STPG2: variants seen among roughly 807,000 people sequenced by gnomAD.
STPG2 encodes the protein sperm-tail PG-rich repeat-containing protein 2.
A neutral mutation model predicts 54.2 loss-of-function variants in STPG2; 56 were observed. The observed-to-expected ratio is 1.03, with a 90% CI of 0.83 to 1.29. The LOEUF (loss-of-function observed/expected upper bound fraction) is 1.29, where lower values mean the gene tolerates loss of function less well. STPG2 is among the 50% of genes most tolerant of loss of function. STPG2 has a pLI of 0.00. For synonymous variants in STPG2, 200 were observed against 181.8 expected (o/e 1.10, Z -0.81); for missense variants, 596 against 544.9 (o/e 1.09, Z -0.93).
intron 8 of STPG2, among the ~76,000 whole-genome samples, chr4:97,850,165 G>T (rs1435117598): frequency 6.9e-6 from 1 of 145,472 alleles, no homozygotes; most frequent in Non-Finnish European, 1.5e-5. Context: ...GTAAACTATC[G>T]CAAGAACAAA....
At chr4:97,899,615 A>G (rs1462224772) in intron 8 of STPG2, among the ~76,000 whole-genome samples, 2 of 152,142 alleles carry the variant, frequency 1.3e-5, no homozygotes, top group Non-Finnish European at 2.9e-5. Context: ...TAATAGTACA[A>G]AAACAGGCAC....
At chr4:97,563,450 CTGATT>C (rs1181990494) in intron 10 of STPG2, among the ~76,000 whole-genome samples, 1 of 152,108 alleles carries the variant, frequency 6.6e-6, no homozygotes, top group Admixed American at 6.5e-5. Context: ...CAGTTCTGCT[CTGATT>C]TTAGTTATTT....
intron 5 of STPG2, among the ~76,000 whole-genome samples, chr4:98,039,900 T>C (rs1442908794): frequency 6.6e-6 from 1 of 151,702 alleles, no homozygotes; most frequent in African/African-American, 2.4e-5. Context: ...AGATTCCATA[T>C]TATTTTCCAT....
At chr4:98,035,855 C>A (rs1359202216) in intron 5 of STPG2, among the ~76,000 whole-genome samples, 1 of 151,924 alleles carries the variant, frequency 6.6e-6, no homozygotes, top group Non-Finnish European at 1.5e-5. Flanking sequence ...AACAGAAAAT[C>A]AAACACTGCA....
At chr4:97,885,181 C>A (rs1578654811) in intron 8 of STPG2, among the ~76,000 whole-genome samples, 2 of 152,106 alleles carry the variant, frequency 1.3e-5, no homozygotes, top group Admixed American at 6.6e-5. Context: ...AGTCAGTGAA[C>A]TGGAGAAATA....
At chr4:97,583,459 G>C (rs1732914454) in intron 10 of STPG2, among the ~76,000 whole-genome samples, 1 of 151,896 alleles carries the variant, frequency 6.6e-6, no homozygotes, top group Non-Finnish European at 1.5e-5. Flanking sequence ...TACAAATTTG[G>C]AAAATATATT....
chr4:97,712,465 A>G (rs1724153784), intron 10 of STPG2, among the ~76,000 whole-genome samples: 2 of 152,276 alleles, frequency 1.3e-5, no homozygotes, highest in African/African-American at 4.8e-5. Context: ...TATATATATG[A>G]ATACTGCAAA....
chr4:98,033,102 G>A (rs1415792328), intron 5 of STPG2, among the ~76,000 whole-genome samples: 2 of 141,720 alleles, frequency 1.4e-5, no homozygotes, highest in African/African-American at 5.4e-5. Flanking sequence ...GAGCAGAACT[G>A]AAGAAGATAG....
intron 9 of STPG2, among the ~76,000 whole-genome samples, chr4:97,718,682 C>A (rs564801592): frequency 2.0e-5 from 3 of 151,966 alleles, no homozygotes; most frequent in African/African-American, 7.2e-5. Context: ...TTTCAGTAAC[C>A]TTTGTCCTCC....
At chr4:97,730,034 C>T (rs559643259) in intron 9 of STPG2, among the ~76,000 whole-genome samples, 4 of 152,120 alleles carry the variant, frequency 2.6e-5, no homozygotes, top group Admixed American at 2.0e-4. Context: ...TACAGGGGTA[C>T]ATATGCGGAT....
chr4:97,902,095 G>C (rs964084405), intron 8 of STPG2, among the ~76,000 whole-genome samples: 2 of 151,944 alleles, frequency 1.3e-5, no homozygotes, highest in Non-Finnish European at 2.9e-5. Flanking sequence ...AGAAACCTGA[G>C]TATCCATGAG....
At chr4:98,133,267 A>T (rs1448412738) in intron 2 of STPG2, among the ~76,000 whole-genome samples, 1 of 152,014 alleles carries the variant, frequency 6.6e-6, no homozygotes, top group Non-Finnish European at 1.5e-5. Flanking sequence ...CCTGTAAACA[A>T]TTACAGTGCA....
At chr4:97,577,498 A>G (rs1578401136) in intron 10 of STPG2, among the ~76,000 whole-genome samples, 1 of 152,090 alleles carries the variant, frequency 6.6e-6, no homozygotes, top group Non-Finnish European at 1.5e-5. Context: ...AAAAACAAAT[A>G]CCGCCTGTTC....
chr4:97,462,090 TCAA>T (rs1353765491), intron 4 of STPG2, among the ~76,000 whole-genome samples: 1 of 152,052 alleles, frequency 6.6e-6, no homozygotes, highest in Non-Finnish European at 1.5e-5. Flanking sequence ...CATTCTTAGA[TCAA>T]CAACACATCT....
At chr4:97,500,222 A>C (rs1308220793) in intron 4 of STPG2, among the ~76,000 whole-genome samples, 2 of 152,042 alleles carry the variant, frequency 1.3e-5, no homozygotes, top group Non-Finnish European at 2.9e-5. Flanking sequence ...GGATTTTCTG[A>C]CTGATTAGAT....
intron 4 of STPG2, among the ~76,000 whole-genome samples, chr4:97,450,337 CTAA>C (rs1362423696): frequency 2.0e-5 from 3 of 152,060 alleles, no homozygotes; most frequent in Non-Finnish European, 4.4e-5. Context: ...CTACAAAGAT[CTAA>C]TAATAAAATT....
chr4:97,471,880 G>T (rs922745568), intron 4 of STPG2, among the ~76,000 whole-genome samples: 1 of 151,958 alleles, frequency 6.6e-6, no homozygotes, highest in African/African-American at 2.4e-5. Flanking sequence ...CATATGACTC[G>T]AAAACAAGTT....
intron 8 of STPG2, among the ~76,000 whole-genome samples, chr4:97,906,910 A>C (rs944814120): frequency 2.6e-5 from 4 of 151,996 alleles, no homozygotes; most frequent in African/African-American, 4.8e-5. Context: ...AGCCAATCTC[A>C]TACTGAATGG....
At position 97,943,898 on chromosome 4, in the gene STPG2, A is replaced by G. The variant is rs762768245; in HGVS notation, c.1043T>C (p.Met348Thr). The G allele has an allele frequency of 1.5e-5, 24 of 1,559,580 alleles. No homozygotes were observed. Among genetic ancestry groups the G allele is most frequent in the Admixed American group, 1.4e-4 (7 of 48,804 alleles). ...RAKRTMKVPD[M>T]VIPAPGSYDV... is the part of the protein sequence containing the mutation. ...ATTTGATTGTAGGAGTATTCTTACC[A>G]TATCTGGTACTTTCATAGTTCTTTT... The change falls in exon 8 of 11, where the codon ATG (methionine) becomes ACG (threonine). Residue 348 changes from methionine to threonine, a missense_variant and splice_region_variant. Physicochemically the swap from Met to Thr is moderately conservative, Grantham distance 81. Coordinates refer to ENST00000295268, the MANE Select transcript of STPG2 (RefSeq NM_174952.3).
Sources: allele counts gnomAD v4.1 joint callset (sites outside exome capture counted in the v4.1 genomes callset), GRCh38; gene constraint gnomAD v4.1.1; transcripts MANE v1.5; gene names NCBI Gene and HGNC (gene_info 2026-07-23, HGNC 2026-07-21).